Variants in TBC1D14 observed in about 807,000 individuals in gnomAD.
The protein encoded by TBC1D14 is TBC1 domain family, member 14.
In TBC1D14, 26 loss-of-function variants were observed where a neutral mutation model predicts 79.0. The ratio of observed to expected loss-of-function variants is 0.33; its 90% CI spans 0.24 to 0.46. The LOEUF is 0.46. Ranked by LOEUF, TBC1D14 falls within the 20% of genes least tolerant of loss-of-function variation. The pLI is 1.00. For missense variants in TBC1D14, 769 were observed against 887.6 expected (o/e 0.87, Z 1.70); for synonymous variants, 394 against 349.9 (o/e 1.13, Z -1.40).
At chr4:6,952,818 T>C (rs911462553) in intron 2 of TBC1D14, among the ~76,000 whole-genome samples, 5 of 151,936 alleles carry the variant, frequency 3.3e-5, no homozygotes, top group Admixed American at 3.3e-4. Flanking sequence ...TGCATGCTGG[T>C]GGTTTAGACT....
At chr4:6,952,250 G>A (rs1035510294) in intron 2 of TBC1D14, among the ~76,000 whole-genome samples, 1 of 152,212 alleles carries the variant, frequency 6.6e-6, no homozygotes, top group African/African-American at 2.4e-5. Context: ...GATCCCACCC[G>A]GGGTTTATGG....
chr4:6,923,314 A>G (rs915247857), intron 1 of TBC1D14, 59 bp from the exon 2 acceptor site: 3 of 1,517,668 alleles, frequency 2.0e-6, no homozygotes, highest in African/African-American at 2.8e-5. Flanking sequence ...TGTGTGTCAG[A>G]GGTGTGGCAT....
At chr4:6,947,311 C>T (rs1489347461) in intron 2 of TBC1D14, among the ~76,000 whole-genome samples, 7 of 152,146 alleles carry the variant, frequency 4.6e-5, no homozygotes, top group Admixed American at 1.3e-4. Context: ...TCCTGACTAC[C>T]ACGGTGAAAC....
intron 3 of TBC1D14, among the ~76,000 whole-genome samples, chr4:6,978,051 C>A (rs1448162358): frequency 6.6e-6 from 1 of 151,862 alleles, no homozygotes; most frequent in Non-Finnish European, 1.5e-5. Flanking sequence ...CCGGCAGCCA[C>A]CCCGTCTGGG....
intron 2 of TBC1D14, among the ~76,000 whole-genome samples, chr4:6,948,523 T>C (rs1713700181): frequency 6.6e-6 from 1 of 152,164 alleles, no homozygotes; most frequent in Non-Finnish European, 1.5e-5. Flanking sequence ...TTACAAATAA[T>C]GCCCACCATG....
At chr4:6,978,185 C>T (rs1716989959) in intron 3 of TBC1D14, among the ~76,000 whole-genome samples, 1 of 151,612 alleles carries the variant, frequency 6.6e-6, no homozygotes, top group Non-Finnish European at 1.5e-5. Context: ...GCCCGGCCGC[C>T]CCTACTGGGA....
chr4:6,977,509 AG>A (rs1322931825), intron 3 of TBC1D14, among the ~76,000 whole-genome samples: 1 of 149,178 alleles, frequency 6.7e-6, no homozygotes, highest in African/African-American at 2.5e-5. Context: ...GGCCCCGCAA[AG>A]TGCCGAGATT....
chr4:7,021,490 A>T (rs137914350), intron 12 of TBC1D14, among the ~76,000 whole-genome samples: 1 of 152,084 alleles, frequency 6.6e-6, no homozygotes, highest in Non-Finnish European at 1.5e-5. Context: ...TCAGCTACTC[A>T]GGAGGCTGAG....
chr4:7,002,597 C>T (rs563207546), intron 7 of TBC1D14, among the ~76,000 whole-genome samples: 19 of 152,252 alleles, frequency 1.2e-4, no homozygotes, highest in East Asian at 7.7e-4. Flanking sequence ...TATTGTGAAC[C>T]GCGCAGTGTC....
intron 2 of TBC1D14, among the ~76,000 whole-genome samples, chr4:6,937,035 A>C (rs902468176): frequency 2.6e-5 from 4 of 152,104 alleles, no homozygotes; most frequent in Non-Finnish European, 5.9e-5. Flanking sequence ...CTCCTGCCTC[A>C]GCCTCCCTAG....
intron 2 of TBC1D14, among the ~76,000 whole-genome samples, chr4:6,938,688 T>C (rs1029599061): frequency 1.3e-5 from 2 of 152,164 alleles, no homozygotes; most frequent in African/African-American, 4.8e-5. Flanking sequence ...CAGGAAGCCC[T>C]CTCCAGCCTC....
chr4:6,993,494 G>T (rs1162274585), intron 3 of TBC1D14, among the ~76,000 whole-genome samples: 1 of 152,166 alleles, frequency 6.6e-6, no homozygotes, highest in Non-Finnish European at 1.5e-5. Context: ...ATAACAATTT[G>T]CAGTGGCAGC....
At chr4:6,922,271 C>T (rs1055332758) in intron 1 of TBC1D14, among the ~76,000 whole-genome samples, 9 of 152,134 alleles carry the variant, frequency 5.9e-5, no homozygotes, top group Admixed American at 3.9e-4. Context: ...GCCCACGCCG[C>T]ACTGACGGTT....
At chr4:6,948,562 C>T (rs1411431412) in intron 2 of TBC1D14, among the ~76,000 whole-genome samples, 4 of 147,654 alleles carry the variant, frequency 2.7e-5, no homozygotes, top group Admixed American at 6.6e-5. Context: ...CTGGCGTGTG[C>T]GTGCCTGGGG....
At chr4:6,948,643 C>G (rs917105765) in intron 2 of TBC1D14, among the ~76,000 whole-genome samples, 3 of 151,574 alleles carry the variant, frequency 2.0e-5, no homozygotes, top group African/African-American at 7.3e-5. Flanking sequence ...TTGATCCTTC[C>G]GAAAGGTGAT....
At chr4:7,005,639 C>A (rs1270483418) in intron 8 of TBC1D14, among the ~76,000 whole-genome samples, 2 of 151,854 alleles carry the variant, frequency 1.3e-5, no homozygotes, top group Non-Finnish European at 2.9e-5. Flanking sequence ...GTGGAGGTTG[C>A]AGTGAGCCAA....
intron 3 of TBC1D14, among the ~76,000 whole-genome samples, chr4:6,975,327 G>C (rs1362331929): frequency 1.3e-5 from 2 of 152,164 alleles, no homozygotes; most frequent in Non-Finnish European, 2.9e-5. Context: ...TCCCATCTCA[G>C]CCTCGTGAGT....
At chr4:6,911,593 A>G (rs1722996048) in intron 1 of TBC1D14, among the ~76,000 whole-genome samples, 1 of 152,216 alleles carries the variant, frequency 6.6e-6, no homozygotes, top group Non-Finnish European at 1.5e-5. Context: ...TAGCCCCTGC[A>G]GTTCCTCTGC....
intron 13 of TBC1D14, among the ~76,000 whole-genome samples, chr4:7,030,019 G>T (rs114062139): frequency 1.3e-5 from 2 of 152,142 alleles, no homozygotes; most frequent in Non-Finnish European, 2.9e-5. Flanking sequence ...GCATCCTAGC[G>T]TTCAGGCCTG....
Sources: allele counts gnomAD v4.1 joint callset (sites outside exome capture counted in the v4.1 genomes callset), GRCh38; gene constraint gnomAD v4.1.1; transcripts MANE v1.5; gene names NCBI Gene and HGNC (gene_info 2026-07-23, HGNC 2026-07-21).